GALNT13: variants seen among roughly 807,000 people sequenced by gnomAD.
GALNT13 encodes polypeptide N-acetylgalactosaminyltransferase 13, also known as UDP-GalNAc:polypeptide N-acetylgalactosaminyltransferase 13.
In GALNT13, 28 loss-of-function variants were observed where a neutral mutation model predicts 64.2. The ratio of observed to expected loss-of-function variants is 0.44; its 90% CI spans 0.32 to 0.60. The LOEUF is 0.60. Ranked by LOEUF, GALNT13 falls within the 20% of genes least tolerant of loss-of-function variation. The pLI, the probability that GALNT13 is intolerant of heterozygous loss-of-function variation, is 0.05. For synonymous variants in GALNT13, 214 were observed against 224.6 expected (o/e 0.95, Z 0.42); for missense variants, 577 against 669.8 (o/e 0.86, Z 1.53).
chr2:154,151,919 A>G (rs947127976), intron 4 of GALNT13, among the ~76,000 whole-genome samples: 20 of 152,170 alleles, frequency 1.3e-4, no homozygotes, highest in African/African-American at 4.6e-4. Flanking sequence ...TGGAGCATTT[A>G]GCCCATTTAC....
intron 4 of GALNT13, among the ~76,000 whole-genome samples, chr2:154,186,930 A>G: frequency 6.6e-6 from 1 of 152,082 alleles, no homozygotes; most frequent in Non-Finnish European, 1.5e-5. Flanking sequence ...TATCTTTCTG[A>G]TCATATGCCA....
At chr2:153,662,451 G>A in the GALNT13 span, among the ~76,000 whole-genome samples, 16 of 152,260 alleles carry the variant, frequency 1.1e-4, no homozygotes, top group African/African-American at 3.6e-4. Context: ...AGCCAGTGAC[G>A]ATGGCAGATT....
chr2:153,210,299 T>A, the GALNT13 span, among the ~76,000 whole-genome samples: 1 of 152,190 alleles, frequency 6.6e-6, no homozygotes, highest in African/African-American at 2.4e-5. Flanking sequence ...TAGATACCCT[T>A]TATTAAGTAG....
chr2:154,396,004 G>A lies in GALNT13; in HGVS notation c.1170G>A (p.Val390=). Residue 390 remains valine (V), a synonymous_variant, in exon 10 of 13, where the codon GTG becomes GTA. Transcript: ENST00000392825. ...GAAAAATTCCAGGTGTTGTCAAAGT[G>A]GATTATGGAGATGTGTCAGTCAGAA... is the stretch of plus-strand genomic sequence containing the variant. ...FYIISPGVVK[V]DYGDVSVRKT... 6.2e-7 allele frequency: 1 copy of A among 1,603,074 alleles called. No homozygotes were observed. The highest frequency in any genetic ancestry group is 8.5e-7 in the Non-Finnish European group (1 of 1,175,794).
the GALNT13 span, among the ~76,000 whole-genome samples, chr2:153,151,580 C>T: frequency 6.6e-6 from 1 of 151,974 alleles, no homozygotes; most frequent in Admixed American, 6.6e-5. Flanking sequence ...GGAATCAACC[C>T]AAATGTCCAA....
chr2:154,213,641 G>A (rs185594125), intron 4 of GALNT13, among the ~76,000 whole-genome samples: 107 of 151,920 alleles, frequency 7.0e-4, no homozygotes, highest in Non-Finnish European at 1.2e-3. Context: ...ATAGACACAG[G>A]CAGACAATAT....
intron 3 of GALNT13, among the ~76,000 whole-genome samples, chr2:154,037,942 C>T (rs564278682): frequency 1.3e-5 from 2 of 152,142 alleles, no homozygotes; most frequent in East Asian, 1.9e-4. Context: ...CTGCTTGAGC[C>T]TGGGAGTTCA....
At chr2:153,630,272 G>C in the GALNT13 span, among the ~76,000 whole-genome samples, 1 of 151,936 alleles carries the variant, frequency 6.6e-6, no homozygotes, top group African/African-American at 2.4e-5. Context: ...TGATAGACTG[G>C]ATTAAGAAAA....
chr2:153,439,825 C>T, the GALNT13 span, among the ~76,000 whole-genome samples: 2 of 152,168 alleles, frequency 1.3e-5, no homozygotes, highest in African/African-American at 4.8e-5. Context: ...CACCCACTGT[C>T]CTGCATCCAC....
At chr2:153,091,034 T>G in the GALNT13 span, among the ~76,000 whole-genome samples, 2 of 152,122 alleles carry the variant, frequency 1.3e-5, no homozygotes, top group African/African-American at 4.8e-5. Flanking sequence ...CTTTCAGACC[T>G]TGACCCTCCC....
At chr2:154,258,369 C>T (rs888484742) in intron 7 of GALNT13, among the ~76,000 whole-genome samples, 16 of 151,884 alleles carry the variant, frequency 1.1e-4, no homozygotes, top group East Asian at 1.9e-4. Context: ...CCTTTCAAAC[C>T]TCTGAATAAC....
the GALNT13 span, among the ~76,000 whole-genome samples, chr2:153,105,221 T>C: frequency 1.3e-5 from 2 of 151,552 alleles, no homozygotes; most frequent in Non-Finnish European, 2.9e-5. Context: ...GTTCAACATA[T>C]GAAAATCAAT....
At chr2:153,098,815 T>C in the GALNT13 span, among the ~76,000 whole-genome samples, 4 of 152,174 alleles carry the variant, frequency 2.6e-5, no homozygotes, top group Non-Finnish European at 5.9e-5. Context: ...TCATAGAATG[T>C]GTGTAATTTT....
At chr2:154,030,271 T>G (rs955383031) in intron 3 of GALNT13, among the ~76,000 whole-genome samples, 7 of 151,882 alleles carry the variant, frequency 4.6e-5, no homozygotes, top group Admixed American at 3.3e-4. Context: ...AACACCGAAG[T>G]TAAAAAGAAA....
chr2:153,525,754 C>T, the GALNT13 span, among the ~76,000 whole-genome samples: 1 of 152,080 alleles, frequency 6.6e-6, no homozygotes, highest in Non-Finnish European at 1.5e-5. Context: ...CTTTGGGGTC[C>T]CTGATTCTAG....
At chr2:154,287,273 G>A in intron 8 of GALNT13, 2 of 774,804 alleles carry the variant, frequency 2.6e-6, no homozygotes, top group Non-Finnish European at 4.5e-6. Flanking sequence ...CAAGACAGCA[G>A]AGCTGATCCC....
At chr2:154,077,936 T>A (rs1368669267) in intron 3 of GALNT13, among the ~76,000 whole-genome samples, 1 of 151,486 alleles carries the variant, frequency 6.6e-6, no homozygotes, top group Non-Finnish European at 1.5e-5. Context: ...GCAAAATTGT[T>A]AAACAGAGAA....
intron 8 of GALNT13, among the ~76,000 whole-genome samples, chr2:154,298,586 ATTTATATATACAATGTATAT>A (rs1693128500): frequency 5.5e-5 from 2 of 36,166 alleles, no homozygotes; most frequent in Admixed American, 8.8e-4. Context: ...TGTATATATA[ATTTATATATACAATGTATAT>A]ATTAATTTAT....
the GALNT13 span, among the ~76,000 whole-genome samples, chr2:153,470,506 AG>A: frequency 7.4e-4 from 113 of 152,218 alleles, 1 homozygote; most frequent in Admixed American, 2.8e-3. Flanking sequence ...ATGAGATATG[AG>A]TGTGGGCCCA....
Sources: gnomAD v4.1 joint callset for allele counts (sites outside exome capture counted in the v4.1 genomes callset) on GRCh38, gnomAD v4.1.1 for gene constraint, MANE v1.5 for transcripts, NCBI Gene and HGNC (gene_info 2026-07-23, HGNC 2026-07-21) for gene names.